Variants in BAZ1A observed in about 807,000 individuals in gnomAD.
BAZ1A encodes the protein bromodomain adjacent to zinc finger domain protein 1A.
In BAZ1A, 50 loss-of-function variants were observed where a neutral mutation model predicts 185.2. The ratio of observed to expected loss-of-function variants is 0.27; its 90% CI spans 0.22 to 0.34. The LOEUF (loss-of-function observed/expected upper bound fraction) is 0.34. BAZ1A is among the 10% of genes least tolerant of loss of function. The pLI, the probability that BAZ1A is intolerant of heterozygous loss-of-function variation, is 1.00. For synonymous variants in BAZ1A, 571 were observed against 615.6 expected (o/e 0.93, Z 1.07); for missense variants, 1,356 against 1,839.9 (o/e 0.74, Z 4.81).
At chr14:34,758,115 CAAAAAA>C (rs1192197844) in intron 25 of BAZ1A, among the ~76,000 whole-genome samples, 1 of 62,424 alleles carries the variant, frequency 1.6e-5, no homozygotes, top group Non-Finnish European at 3.8e-5. Context: ...GACCCTGTCT[CAAAAAA>C]AAAAAAAAAA....
rs1286598696 is a variant in BAZ1A, at chr14:34,771,679, G to C, written c.3153-20C>G. 9 of 1,608,124 alleles carry C rather than the reference G, an allele frequency of 5.6e-6. No homozygotes were observed. In the East Asian group the frequency reaches 1.3e-4, roughly 24 times the overall value. Reference sequence around the variant, plus strand: ...AAAAGTCTACAATTAAAACAATTAAGAGTTTATGGTACTTAAAAACACTAT... The same window carrying C: ...AAAAGTCTACAATTAAAACAATTAACAGTTTATGGTACTTAAAAACACTAT... On this transcript the variant is annotated intron_variant, in intron 20 of 26. Coordinates refer to ENST00000360310, the MANE Select transcript of BAZ1A (RefSeq NM_013448.3).
intron 14 of BAZ1A, among the ~76,000 whole-genome samples, chr14:34,785,358 TCTTTA>T (rs1229890635): frequency 2.0e-5 from 3 of 152,218 alleles, no homozygotes; most frequent in African/African-American, 4.8e-5. Flanking sequence ...TAAATTAAAC[TCTTTA>T]CTTGTACATG....
Position 34,762,022 on chromosome 14 carries a change from T to G in BAZ1A, c.3978A>C (p.Thr1326=). ...RKINSAPPTE[T]KSLRIASRST... is the part of the protein sequence containing the mutation. The stretch of plus-strand genomic sequence containing the variant: ...AACGACTGGCAATTCTTAAAGATTT[T>G]GTTTCTGTAGGAGGAGCAGAGTTTA... The change falls in exon 24 of 27, where the codon ACA becomes ACC. Residue 1326 remains threonine (T), a synonymous_variant. Coordinates refer to ENST00000360310, the MANE Select transcript of BAZ1A (RefSeq NM_013448.3). The G allele has an allele frequency of 6.2e-7, 1 of 1,614,248 alleles. No homozygotes were observed. The highest frequency in any genetic ancestry group is 8.5e-7 in the Non-Finnish European group (1 of 1,180,050).
intron 3 of BAZ1A, among the ~76,000 whole-genome samples, chr14:34,851,429 C>G (rs765333377): frequency 2.7e-5 from 4 of 149,172 alleles, no homozygotes; most frequent in Non-Finnish European, 5.9e-5. Context: ...TATAGTTTGA[C>G]TCAATTTTTC....
At chr14:34,828,238 AGCCAAGATTGT>A (rs2042190447) in intron 3 of BAZ1A, among the ~76,000 whole-genome samples, 1 of 143,626 alleles carries the variant, frequency 7.0e-6, no homozygotes. Context: ...GGTTGCTGTG[AGCCAAGATTGT>A]GCCATTGCAC....
At chr14:34,808,306 C>T (rs2041879240) in intron 5 of BAZ1A, among the ~76,000 whole-genome samples, 1 of 151,706 alleles carries the variant, frequency 6.6e-6, no homozygotes. Context: ...CCAGCCTGGC[C>T]AACATGGTGA....
Position 34,808,993 on chromosome 14 carries a change from G to A in BAZ1A, c.639-1455C>T, listed in dbSNP as rs546149591. ...AAAGTATTTGGAGAAAATAAAAACTGCATCTGTACTAAACATGTGCAGACT... is the reference window on the plus strand; with the variant it reads ...AAAGTATTTGGAGAAAATAAAAACTACATCTGTACTAAACATGTGCAGACT... On this transcript the variant is annotated intron_variant, in intron 5 of 26. Coordinates refer to ENST00000360310, the MANE Select transcript of BAZ1A (RefSeq NM_013448.3). Among the ~76,000 whole-genome samples, 6 of 152,250 alleles carry A rather than the reference G, an allele frequency of 3.9e-5. No individual in the cohort carries two copies. In the South Asian group the frequency reaches 1.2e-3, roughly 32 times the overall value.
intron 4 of BAZ1A, among the ~76,000 whole-genome samples, chr14:34,813,511 C>T (rs142309360): frequency 7.2e-5 from 11 of 151,902 alleles, no homozygotes; most frequent in South Asian, 2.1e-4. Flanking sequence ...GGTGAAACCC[C>T]GTTTCTACTA....
At chr14:34,863,187 G>T in intron 2 of BAZ1A, among the ~76,000 whole-genome samples, 1 of 101,972 alleles carries the variant, frequency 9.8e-6, no homozygotes, top group Non-Finnish European at 1.8e-5. Context: ...TTTTTGAGAT[G>T]GAGTTTCACT....
chr14:34,863,613 C>T (rs2042807300), intron 2 of BAZ1A, among the ~76,000 whole-genome samples: 1 of 152,114 alleles, frequency 6.6e-6, no homozygotes, highest in Admixed American at 6.6e-5. Flanking sequence ...GCCCTATCCA[C>T]TCTCCTTTAA....
Position 34,783,955 on chromosome 14 carries a change from A to T in BAZ1A, c.1832-28T>A, listed in dbSNP as rs769450231. 5 of 1,551,364 alleles carry T rather than the reference A, an allele frequency of 3.2e-6. No homozygotes were observed. In the South Asian group the frequency reaches 6.1e-5, roughly 19 times the overall value. On this transcript the variant is annotated intron_variant, in intron 14 of 26. Transcript: ENST00000360310. Reference sequence around the variant, plus strand: ...GTCAAAAATTGGTAAATACTTCTGTATTATAAATCGCAGCAAATGAACTGT... The same window carrying T: ...GTCAAAAATTGGTAAATACTTCTGTTTTATAAATCGCAGCAAATGAACTGT...
rs147679408 is a variant in BAZ1A, at chr14:34,782,269, G to C, written c.2111+850C>G. ...AATTTGATTATAGCCAGCCTACTGGGTGTGAAGTGGTATCTTACTGTGGTT... is the reference window on the plus strand; with the variant it reads ...AATTTGATTATAGCCAGCCTACTGGCTGTGAAGTGGTATCTTACTGTGGTT... On this transcript the variant is annotated intron_variant, in intron 16 of 26. Transcript: ENST00000360310. Among the ~76,000 whole-genome samples the C allele has an allele frequency of 8.9e-4, 135 of 152,308 alleles. 1 individual carries two copies. The South Asian group carries it at 9.5e-3, about 11-fold the overall frequency.
intron 4 of BAZ1A, among the ~76,000 whole-genome samples, chr14:34,824,408 C>CAAAAA: frequency 1.1e-3 from 73 of 65,758 alleles, no homozygotes; most frequent in African/African-American, 2.6e-3. Context: ...AGCAGCAACT[C>CAAAAA]AAAAAAAAAA....
At chr14:34,851,923 C>G (rs770322244) in intron 3 of BAZ1A, among the ~76,000 whole-genome samples, 2 of 150,386 alleles carry the variant, frequency 1.3e-5, no homozygotes, top group South Asian at 4.2e-4. Context: ...GTCAGGAGAT[C>G]GAGATCATCC....
chr14:34,795,462 C>G (rs906502372), intron 10 of BAZ1A, among the ~76,000 whole-genome samples: 5 of 152,136 alleles, frequency 3.3e-5, no homozygotes, highest in African/African-American at 1.2e-4. Flanking sequence ...ATTATTTCTA[C>G]AGAATAAGAA....
chr14:34,868,766 A>C (rs1422748404), intron 2 of BAZ1A, among the ~76,000 whole-genome samples: 1 of 151,558 alleles, frequency 6.6e-6, no homozygotes, highest in African/African-American at 2.4e-5. Context: ...GAGCCACTGC[A>C]CTCCAGCCTG....
At chr14:34,853,059 AAT>A (rs1254767433) in intron 3 of BAZ1A, among the ~76,000 whole-genome samples, 2 of 152,106 alleles carry the variant, frequency 1.3e-5, no homozygotes, top group Non-Finnish European at 2.9e-5. Context: ...CAAAAAAAAA[AAT>A]CACTTCTTTT....
chr14:34,757,496 C>T (rs537299863), intron 25 of BAZ1A, among the ~76,000 whole-genome samples: 50 of 151,192 alleles, frequency 3.3e-4, no homozygotes, highest in African/African-American at 1.0e-3. Flanking sequence ...GAAACCCTGT[C>T]GCTAATAAAA....
At chr14:34,784,810 G>T (rs1009449253) in intron 14 of BAZ1A, among the ~76,000 whole-genome samples, 1 of 149,916 alleles carries the variant, frequency 6.7e-6, no homozygotes, top group East Asian at 2.0e-4. Flanking sequence ...GAGCCACCGC[G>T]CCTGGCCAAA....
Sources: gnomAD v4.1 joint callset for allele counts (sites outside exome capture counted in the v4.1 genomes callset) on GRCh38, gnomAD v4.1.1 for gene constraint, MANE v1.5 for transcripts, NCBI Gene and HGNC (gene_info 2026-07-23, HGNC 2026-07-21) for gene names.